The following TRIO variants were observed in gnomAD, a reference collection of about 807,000 sequenced individuals.
The protein encoded by TRIO is triple functional domain protein.
TRIO carries 58 observed loss-of-function variants against 351.9 expected under a neutral mutation model. That is an observed-to-expected ratio of 0.16 (90% CI 0.13 to 0.21). The LOEUF is 0.21. TRIO is among the 10% of genes least tolerant of loss of function. The probability of loss-of-function intolerance (pLI) is 1.00; values close to 1 mark genes in which losing one functional copy is unlikely to be tolerated. For missense variants in TRIO, 3,201 were observed against 4,027.8 expected (o/e 0.79, Z 5.56); for synonymous variants, 1,758 against 1,595.7 (o/e 1.10, Z -2.42).
chr5:14,454,518 C>T (rs6876091), intron 34 of TRIO, among the ~76,000 whole-genome samples: 5,245 of 152,288 alleles, frequency 0.034, 302 homozygotes, highest in African/African-American at 0.12. Flanking sequence ...AGGACATCAC[C>T]ATTCATAGTG....
chr5:14,166,143 C>G (rs1052163635), intron 1 of TRIO, among the ~76,000 whole-genome samples: 1 of 152,226 alleles, frequency 6.6e-6, no homozygotes, highest in African/African-American at 2.4e-5. Context: ...GGGATGCTCC[C>G]GGTGGAGAGT....
At chr5:14,161,886 C>T (rs1460050232) in intron 1 of TRIO, among the ~76,000 whole-genome samples, 1 of 152,140 alleles carries the variant, frequency 6.6e-6, no homozygotes, top group African/African-American at 2.4e-5. Flanking sequence ...ACCACTATGC[C>T]TGGCTAGTTT....
At chr5:14,221,209 C>A (rs1313191426) in intron 1 of TRIO, among the ~76,000 whole-genome samples, 1 of 152,126 alleles carries the variant, frequency 6.6e-6, no homozygotes, top group African/African-American at 2.4e-5. Flanking sequence ...CTCTTGAGAC[C>A]TATTGCTCAG....
intron 1 of TRIO, among the ~76,000 whole-genome samples, chr5:14,259,394 A>G (rs1166912756): frequency 6.6e-6 from 1 of 152,278 alleles, no homozygotes; most frequent in Non-Finnish European, 1.5e-5. Flanking sequence ...TAGGAGGAGA[A>G]GAATTGAAAT....
Position 14,387,518 on chromosome 5 carries a change from A to T in TRIO, c.3651A>T (p.Ile1217=), listed in dbSNP as rs1232145675. 3.7e-6 allele frequency: 6 copies of T among 1,613,984 alleles called. No homozygotes were observed. Among genetic ancestry groups the T allele is most frequent in the Non-Finnish European group, 4.2e-6 (5 of 1,179,958 alleles). ...AAGGGCATGCCCATGCGGCAGAGAT[A>T]AAAAAATGTGTTACTGCTGTGGATA... ...CEKGHAHAAE[I]KKCVTAVDKR... is the part of the protein sequence containing the mutation. The change falls in exon 22 of 57, where the codon ATA becomes ATT. Residue 1217 remains isoleucine, a synonymous_variant. Coordinates refer to ENST00000344204, the MANE Select transcript of TRIO (RefSeq NM_007118.4).
chr5:14,166,861 T>C (rs1186634081), intron 1 of TRIO, among the ~76,000 whole-genome samples: 1 of 152,140 alleles, frequency 6.6e-6, no homozygotes, highest in African/African-American at 2.4e-5. Flanking sequence ...GTCTGTGGAA[T>C]ATGGGCATAG....
At chr5:14,301,669 G>A (rs1737896335) in intron 7 of TRIO, among the ~76,000 whole-genome samples, 1 of 152,176 alleles carries the variant, frequency 6.6e-6, no homozygotes, top group Non-Finnish European at 1.5e-5. Context: ...AAGAGGTTCT[G>A]TTATGAAGGT....
intron 29 of TRIO, 131 bp from the exon 30 acceptor site, chr5:14,398,749 G>A (rs921374218): frequency 2.5e-6 from 2 of 812,048 alleles, no homozygotes; most frequent in East Asian, 5.3e-5. Context: ...GTCAGGATCA[G>A]ATGGGAAACT....
At chr5:14,353,582 A>G (rs942927552) in intron 11 of TRIO, among the ~76,000 whole-genome samples, 2 of 152,154 alleles carry the variant, frequency 1.3e-5, no homozygotes, top group South Asian at 4.1e-4. Context: ...TTTTTGAGGC[A>G]GGCATTATTA....
In TRIO at chr5:14,492,803, C is replaced by T. The variant is rs868293018; in HGVS notation, c.7869C>T (p.Asp2623=). The T allele has an allele frequency of 2.8e-5, 45 of 1,613,654 alleles. No individual in the cohort carries two copies. The Middle Eastern group carries it at 5.8e-3, about 208-fold the overall frequency. ...HTSAVIVENP[D]GTLKKSTSWH... ...GTGCAGTCATCGTGGAGAACCCGGA[C>T]GGGACTCTCAAGTGAGTGCTTGACA... Residue 2623 remains aspartate (D), a synonymous_variant, in exon 49 of 57, where the codon GAC becomes GAT. Transcript: ENST00000344204.
chr5:14,145,588 C>G (rs899769747), intron 1 of TRIO, among the ~76,000 whole-genome samples: 2 of 151,984 alleles, frequency 1.3e-5, no homozygotes, highest in African/African-American at 4.8e-5. Context: ...CCCTTCATGC[C>G]CTGAAGCTAA....
Position 14,487,728 on chromosome 5 carries a change from C to G in TRIO, c.7100C>G (p.Ser2367Ter). 7.0e-7 allele frequency: 1 copy of G among 1,435,094 alleles called. No homozygotes were observed. Among genetic ancestry groups the G allele is most frequent in the Non-Finnish European group, 9.2e-7 (1 of 1,085,502 alleles). 88.9% of individuals were successfully genotyped at this position (1,435,094 alleles called of 1,614,324 possible). A position where few individuals can be genotyped will look rare whatever the true frequency, so the allele number is the denominator to read the frequency against. ...AGCCAGGCAGAGGCAGACAAGATGT[C>G]AGGTACGTCCACCCCCGGGCCCTCC... is the stretch of plus-strand genomic sequence containing the variant. ...ASSQAEADKMSGTSTPGPSLP... is the reference protein window; with the variant it reads ...ASSQAEADKM The change falls in exon 48 of 57, where the codon TCA becomes TGA. Residue 2367 changes from serine to a stop codon, truncating the protein, a stop_gained. Transcript: ENST00000344204. LOFTEE classifies it high-confidence loss of function.
chr5:14,463,106 G>A (rs13184571), intron 36 of TRIO, among the ~76,000 whole-genome samples, 181 bp downstream of exon 36: 1 of 152,242 alleles, frequency 6.6e-6, no homozygotes, highest in East Asian at 1.9e-4. Context: ...GAGTAACAAA[G>A]CCATTTAGAA....
chr5:14,367,070 C>T, intron 16 of TRIO, 91 bp downstream of exon 16: 4 of 1,554,662 alleles, frequency 2.6e-6, no homozygotes, highest in East Asian at 2.3e-5. Context: ...CCATGGGAAC[C>T]ACATGGGGCT....
intron 1 of TRIO, among the ~76,000 whole-genome samples, chr5:14,144,400 T>G (rs904233794): frequency 1.3e-5 from 2 of 152,176 alleles, no homozygotes; most frequent in African/African-American, 4.8e-5. Flanking sequence ...CGGGTTTCTT[T>G]GCTTGGCCCT....
chr5:14,412,127 A>G (rs1749258591), intron 33 of TRIO, among the ~76,000 whole-genome samples: 1 of 151,828 alleles, frequency 6.6e-6, no homozygotes, highest in South Asian at 2.1e-4. Flanking sequence ...AGCTGAGATT[A>G]TAGGCAAGTA....
intron 55 of TRIO, among the ~76,000 whole-genome samples, chr5:14,505,599 ATGT>A (rs1271074276): frequency 6.6e-6 from 1 of 152,060 alleles, no homozygotes; most frequent in East Asian, 1.9e-4. Flanking sequence ...CCTGTACCTG[ATGT>A]TGTAGTTATT....
intron 1 of TRIO, among the ~76,000 whole-genome samples, chr5:14,171,064 TG>T (rs1789070930): frequency 1.3e-5 from 2 of 152,174 alleles, no homozygotes; most frequent in African/African-American, 4.8e-5. Flanking sequence ...TAAAATATCA[TG>T]AAGATATTTT....
rs755438749 is a variant in TRIO, at chr5:14,286,185, C to T, written c.348-686C>T. Among the ~76,000 whole-genome samples the T allele has an allele frequency of 1.4e-4, 22 of 151,940 alleles. No homozygotes were observed. Among genetic ancestry groups the T allele is most frequent in the Non-Finnish European group, 2.8e-4 (19 of 68,004 alleles). On this transcript the variant is annotated intron_variant, in intron 3 of 56. Transcript: ENST00000344204. This position sits in a 1 kb window ranked among gnomAD's most constrained non-coding sequence, Gnocchi z 4.4. ...TCAGAGGCCAGCAGTGTTAAGCCAGCGTTGCTACCACATAAAGGCTTAGTA... is the reference window on the plus strand; with the variant it reads ...TCAGAGGCCAGCAGTGTTAAGCCAGTGTTGCTACCACATAAAGGCTTAGTA...
Sources: allele counts gnomAD v4.1 joint callset (sites outside exome capture counted in the v4.1 genomes callset), GRCh38; gene constraint gnomAD v4.1.1; non-coding constraint Gnocchi (gnomAD v3.1); transcripts MANE v1.5; gene names NCBI Gene and HGNC (gene_info 2026-07-23, HGNC 2026-07-21).